ROBO1: variants seen among roughly 807,000 people sequenced by gnomAD.
ROBO1 encodes roundabout homolog 1.
In ROBO1, 149 loss-of-function variants were observed where a neutral mutation model predicts 195.9. The ratio of observed to expected loss-of-function variants is 0.76; its 90% CI spans 0.67 to 0.87. ROBO1 has a LOEUF of 0.87. ROBO1 is among the 40% of genes least tolerant of loss of function. The pLI, the probability that ROBO1 is intolerant of heterozygous loss-of-function variation, is 0.00. For missense variants in ROBO1, 1,933 were observed against 2,068.3 expected (o/e 0.93, Z 1.27); for synonymous variants, 816 against 733.2 (o/e 1.11, Z -1.82).
intron 3 of ROBO1, among the ~76,000 whole-genome samples, chr3:78,949,033 A>C (rs571777721): frequency 4.7e-5 from 7 of 147,532 alleles, no homozygotes; most frequent in Admixed American, 3.4e-4. Flanking sequence ...ATGGAAGAAC[A>C]TTCCATGCTC....
intron 2 of ROBO1, among the ~76,000 whole-genome samples, chr3:79,254,009 A>G (rs1484607599): frequency 2.0e-5 from 3 of 152,256 alleles, no homozygotes; most frequent in South Asian, 4.1e-4. Flanking sequence ...CCACCCGGCA[A>G]GAAGGCTCTG....
At chr3:79,194,892 G>A (rs1029879174) in intron 2 of ROBO1, among the ~76,000 whole-genome samples, 2 of 151,506 alleles carry the variant, frequency 1.3e-5, no homozygotes, top group Admixed American at 1.3e-4. Context: ...TAATAAGTGG[G>A]TTTAATATGC....
intron 3 of ROBO1, among the ~76,000 whole-genome samples, chr3:78,942,329 C>T (rs2040186419): frequency 6.6e-6 from 1 of 151,894 alleles, no homozygotes; most frequent in African/African-American, 2.4e-5. Flanking sequence ...ACCTGAGAGC[C>T]AGAACTTAGA....
chr3:79,514,546 C>G (rs1940860445), intron 2 of ROBO1, among the ~76,000 whole-genome samples: 2 of 152,070 alleles, frequency 1.3e-5, no homozygotes, highest in African/African-American at 4.8e-5. Context: ...TTAAAATAAT[C>G]TGTACTGGTC....
chr3:79,746,071 T>A (rs1048846788), intron 1 of ROBO1, among the ~76,000 whole-genome samples: 1 of 152,118 alleles, frequency 6.6e-6, no homozygotes, highest in African/African-American at 2.4e-5. Flanking sequence ...GAGGCAATCA[T>A]GATATAATGT....
chr3:78,639,442 C>CAATA (rs1372488486), intron 22 of ROBO1, among the ~76,000 whole-genome samples: 5 of 152,132 alleles, frequency 3.3e-5, no homozygotes, highest in Admixed American at 1.3e-4. Flanking sequence ...ATTCTGTCTC[C>CAATA]AATAAATAAT....
At chr3:79,566,904 C>T (rs1029797239) in intron 2 of ROBO1, among the ~76,000 whole-genome samples, 1 of 151,968 alleles carries the variant, frequency 6.6e-6, no homozygotes, top group African/African-American at 2.4e-5. Flanking sequence ...ACAGAAATAC[C>T]GTTCAACCCG....
intron 2 of ROBO1, among the ~76,000 whole-genome samples, chr3:79,251,107 T>C (rs1411740473): frequency 6.6e-6 from 1 of 152,182 alleles, no homozygotes; most frequent in East Asian, 1.9e-4. Flanking sequence ...CATATCAATA[T>C]GAATGTCTGT....
intron 2 of ROBO1, among the ~76,000 whole-genome samples, chr3:79,215,433 A>G (rs1410164456): frequency 1.3e-5 from 2 of 152,036 alleles, no homozygotes; most frequent in African/African-American, 4.8e-5. Flanking sequence ...AGTTTGTGAT[A>G]TATCTTCACT....
chr3:79,228,489 T>C (rs2082265364), intron 2 of ROBO1, among the ~76,000 whole-genome samples: 1 of 152,220 alleles, frequency 6.6e-6, no homozygotes, highest in African/African-American at 2.4e-5. Context: ...CTATGAGATC[T>C]GACTTTGAGA....
At chr3:78,881,327 C>A (rs2036167463) in intron 4 of ROBO1, among the ~76,000 whole-genome samples, 1 of 152,150 alleles carries the variant, frequency 6.6e-6, no homozygotes, top group Non-Finnish European at 1.5e-5. Context: ...CCCCTTAGGG[C>A]ATTCACCTCA....
chr3:79,705,363 C>T (rs975512995), intron 1 of ROBO1, among the ~76,000 whole-genome samples: 1 of 121,794 alleles, frequency 8.2e-6, no homozygotes, highest in Non-Finnish European at 1.8e-5. Flanking sequence ...ACTGTACAGT[C>T]TCTGTCTAGA....
chr3:78,989,939 A>C (rs923561841), intron 3 of ROBO1, among the ~76,000 whole-genome samples: 2 of 152,146 alleles, frequency 1.3e-5, no homozygotes, highest in African/African-American at 4.8e-5. Flanking sequence ...AGCCTAAAAA[A>C]GTCCATAGAA....
intron 2 of ROBO1, among the ~76,000 whole-genome samples, chr3:79,384,620 G>C (rs1361276765): frequency 6.6e-6 from 1 of 151,944 alleles, no homozygotes; most frequent in Non-Finnish European, 1.5e-5. Flanking sequence ...ATAAAGTTGA[G>C]TTTAATTTTA....
intron 2 of ROBO1, among the ~76,000 whole-genome samples, chr3:79,381,379 A>G (rs1490764113): frequency 1.3e-5 from 1 of 76,606 alleles, no homozygotes; most frequent in Non-Finnish European, 2.5e-5. Context: ...AAAAAAAAAG[A>G]AAAGAAAAGA....
At chr3:78,785,123 G>T (rs1407664651) in intron 4 of ROBO1, among the ~76,000 whole-genome samples, 3 of 152,154 alleles carry the variant, frequency 2.0e-5, no homozygotes, top group Admixed American at 2.0e-4. Context: ...CCTAGAAAAA[G>T]GAGTGCTTTT....
intron 3 of ROBO1, among the ~76,000 whole-genome samples, chr3:79,096,830 C>A (rs1463047227): frequency 1.3e-5 from 2 of 150,976 alleles, no homozygotes; most frequent in Admixed American, 6.6e-5. Context: ...AAAGGAGCAT[C>A]TTTTGCAGAC....
intron 29 of ROBO1, among the ~76,000 whole-genome samples, chr3:78,601,245 T>C (rs554144955): frequency 6.6e-6 from 1 of 152,308 alleles, no homozygotes; most frequent in South Asian, 2.1e-4. Context: ...TTCTCTGTAG[T>C]GGAAGGGTAA....
intron 2 of ROBO1, among the ~76,000 whole-genome samples, chr3:79,157,086 CAT>C (rs1276133423): frequency 3.3e-5 from 5 of 151,766 alleles, no homozygotes; most frequent in African/African-American, 7.3e-5. Flanking sequence ...TTTATATTCA[CAT>C]GTTAGCCTGT....
Sources: gnomAD v4.1 joint callset for allele counts (sites outside exome capture counted in the v4.1 genomes callset) on GRCh38, gnomAD v4.1.1 for gene constraint, MANE v1.5 for transcripts, NCBI Gene and HGNC (gene_info 2026-07-23, HGNC 2026-07-21) for gene names.